The following CNKSR3 variants were observed in gnomAD, a reference collection of about 807,000 sequenced individuals.
CNKSR3 encodes the protein connector enhancer of kinase suppressor of ras 3.
Under a neutral mutation model 67.7 loss-of-function variants are expected in CNKSR3, and 36 were observed. That is an observed-to-expected ratio of 0.53 (90% CI 0.41 to 0.70). CNKSR3 has a LOEUF of 0.70. CNKSR3 is among the 30% of genes least tolerant of loss of function. The probability of loss-of-function intolerance (pLI) is 0.00; values close to 1 mark genes in which losing one functional copy is unlikely to be tolerated. For synonymous variants in CNKSR3, 281 were observed against 271.4 expected, an observed-to-expected ratio of 1.04 and a Z score of -0.35; for missense variants, 630 against 695.2, an observed-to-expected ratio of 0.91 and a Z score of 1.05.
chr6:154,465,091 C>T (rs1365004573), intron 1 of CNKSR3, among the ~76,000 whole-genome samples: 3 of 134,438 alleles, frequency 2.2e-5, no homozygotes, highest in Non-Finnish European at 4.6e-5. Flanking sequence ...CAGTGAGCTG[C>T]GATCGTGCCA....
Position 154,433,453 on chromosome 6 carries a change from A to G in CNKSR3, c.549+13T>C. ...AAATGAATTTTACAATAACTTTTAG[A>G]ATGTATACTTACCACAGTTAAAACT... On this transcript the variant is annotated intron_variant, in intron 5 of 12. Transcript: ENST00000607772. 1 of 1,552,572 alleles carries G rather than the reference A, an allele frequency of 6.4e-7. No homozygotes were observed. The highest frequency in any genetic ancestry group is 1.7e-5 in the Admixed American group (1 of 57,380).
intron 4 of CNKSR3, among the ~76,000 whole-genome samples, chr6:154,436,545 A>G (rs1017643507): frequency 5.9e-5 from 9 of 152,118 alleles, no homozygotes; most frequent in African/African-American, 2.2e-4. Flanking sequence ...TTAAGATACT[A>G]TCTTGTTATG....
intron 9 of CNKSR3, among the ~76,000 whole-genome samples, chr6:154,421,060 C>T (rs952026016): frequency 6.6e-6 from 1 of 152,178 alleles, no homozygotes; most frequent in African/African-American, 2.4e-5. Context: ...GTCATCCAGG[C>T]TGAAGTGTAG....
Position 154,392,068 on chromosome 6 carries a change from G to C in CNKSR3, c.*14286C>G, listed in dbSNP as rs947605252. On this transcript the variant is annotated 3_prime_UTR_variant, in exon 13 of 13. Coordinates refer to ENST00000607772, the MANE Select transcript of CNKSR3 (RefSeq NM_173515.4). ...CTATTAAAAATACAAAAATTAGCTT[G>C]GTGTGGTGGTGCGCACCTGTAGTCC... is the stretch of plus-strand genomic sequence containing the variant. The C allele has an allele frequency of 4.6e-5, 7 of 152,234 alleles. No homozygotes were observed. Among genetic ancestry groups the C allele is most frequent in the Admixed American group, 1.3e-4 (2 of 15,270 alleles). 9.4% of individuals were successfully genotyped at this position (152,234 alleles called of 1,614,324 possible).
At position 154,400,988 on chromosome 6, in the gene CNKSR3, T is replaced by A. The variant is rs1784709949; in HGVS notation, c.*5366A>T. ...CCAAATGTGTGTTGAGGTCCTCAAC[T>A]GGGGTTGAGGGACCCTAACTAGGGG... On this transcript the variant is annotated 3_prime_UTR_variant, in exon 13 of 13. Transcript: ENST00000607772. 1 of 152,220 alleles carries A rather than the reference T, an allele frequency of 6.6e-6. No homozygotes were observed. The highest frequency in any genetic ancestry group is 1.5e-5 in the Non-Finnish European group (1 of 68,044). 9.4% of individuals were successfully genotyped at this position (152,220 alleles called of 1,614,324 possible).
At chr6:154,467,497 A>G (rs1786228650) in intron 1 of CNKSR3, among the ~76,000 whole-genome samples, 1 of 152,144 alleles carries the variant, frequency 6.6e-6, no homozygotes, top group South Asian at 2.1e-4. Flanking sequence ...TGGAGATGCC[A>G]TCTTCTGCTT....
intron 6 of CNKSR3, among the ~76,000 whole-genome samples, chr6:154,428,868 A>T (rs1003739703): frequency 1.3e-5 from 2 of 152,166 alleles, no homozygotes; most frequent in Non-Finnish European, 2.9e-5. Context: ...GACACAATAT[A>T]TTCATTTAAA....
chr6:154,463,221 C>G (rs1786120530), intron 1 of CNKSR3, among the ~76,000 whole-genome samples: 1 of 151,950 alleles, frequency 6.6e-6, no homozygotes, highest in Non-Finnish European at 1.5e-5. Flanking sequence ...AGGCGCCCAC[C>G]ACCACGCCCG....
At chr6:154,471,980 T>C (rs1439771276) in intron 1 of CNKSR3, among the ~76,000 whole-genome samples, 1 of 152,206 alleles carries the variant, frequency 6.6e-6, no homozygotes, top group African/African-American at 2.4e-5. Context: ...TTCCAATAAG[T>C]CTGCCCATTC....
intron 1 of CNKSR3, among the ~76,000 whole-genome samples, chr6:154,475,664 C>T (rs746957895): frequency 3.3e-5 from 5 of 152,214 alleles, no homozygotes; most frequent in Non-Finnish European, 4.4e-5. Flanking sequence ...CTTCTGGGGA[C>T]AGGAGGACTC....
At chr6:154,507,514 T>C (rs1168167665) in intron 1 of CNKSR3, among the ~76,000 whole-genome samples, 1 of 152,254 alleles carries the variant, frequency 6.6e-6, no homozygotes, top group Non-Finnish European at 1.5e-5. Context: ...CGAGCTTTTG[T>C]AAGTCGATAG....
At chr6:154,470,193 T>G (rs1786296854) in intron 1 of CNKSR3, among the ~76,000 whole-genome samples, 1 of 47,542 alleles carries the variant, frequency 2.1e-5, no homozygotes, top group African/African-American at 1.1e-4. Flanking sequence ...CTTTCCTTTT[T>G]TTTTTTTTTT....
chr6:154,499,071 C>T (rs947555333), intron 1 of CNKSR3, among the ~76,000 whole-genome samples: 2 of 152,114 alleles, frequency 1.3e-5, no homozygotes, highest in African/African-American at 2.4e-5. Context: ...AGGGACAGGA[C>T]GGAAGGATGC....
intron 1 of CNKSR3, among the ~76,000 whole-genome samples, chr6:154,460,042 T>C (rs1786045563): frequency 6.6e-6 from 1 of 152,184 alleles, no homozygotes; most frequent in Non-Finnish European, 1.5e-5. Flanking sequence ...GGACCCAGCC[T>C]GCCCCCACCC....
chr6:154,422,796 C>A, intron 8 of CNKSR3, 119 bp downstream of exon 8: 2 of 1,162,938 alleles, frequency 1.7e-6, no homozygotes, highest in Non-Finnish European at 2.5e-6. Flanking sequence ...CATGTTAGCA[C>A]AACCTAAAAT....
At chr6:154,420,025 T>G (rs1474021165) in intron 9 of CNKSR3, among the ~76,000 whole-genome samples, 2 of 151,876 alleles carry the variant, frequency 1.3e-5, no homozygotes, top group East Asian at 3.9e-4. Context: ...GAGGTTGCAG[T>G]GAGCCAAGAT....
At chr6:154,483,537 T>G (rs1786608890) in intron 1 of CNKSR3, among the ~76,000 whole-genome samples, 1 of 151,812 alleles carries the variant, frequency 6.6e-6, no homozygotes, top group South Asian at 2.1e-4. Flanking sequence ...AAAACCATCC[T>G]CAAGCAACTG....
intron 1 of CNKSR3, among the ~76,000 whole-genome samples, chr6:154,492,020 A>C (rs879703709): frequency 6.6e-6 from 1 of 152,120 alleles, no homozygotes; most frequent in African/African-American, 2.4e-5. Context: ...TTTACTCATC[A>C]GCTGTGTGTC....
At chr6:154,481,884 G>A (rs980804536) in intron 1 of CNKSR3, among the ~76,000 whole-genome samples, 1 of 152,152 alleles carries the variant, frequency 6.6e-6, no homozygotes, top group East Asian at 1.9e-4. Context: ...AAAACACCAA[G>A]TCCCATCAGT....
Sources: gnomAD v4.1 joint callset for allele counts (sites outside exome capture counted in the v4.1 genomes callset) on GRCh38, gnomAD v4.1.1 for gene constraint, MANE v1.5 for transcripts, NCBI Gene and HGNC (gene_info 2026-07-23, HGNC 2026-07-21) for gene names.